Variants in TFRC observed in about 807,000 individuals in gnomAD.
The protein encoded by TFRC is transferrin receptor protein 1.
A neutral mutation model predicts 85.8 loss-of-function variants in TFRC; 35 were observed. The observed-to-expected ratio is 0.41, with a 90% CI of 0.31 to 0.54. TFRC has a LOEUF of 0.54. Ranked by LOEUF, TFRC falls within the 20% of genes least tolerant of loss-of-function variation. The pLI, the probability that TFRC is intolerant of heterozygous loss-of-function variation, is 0.31. For synonymous variants in TFRC, 362 were observed against 328.6 expected (o/e 1.10, Z -1.10); for missense variants, 828 against 921.5 (o/e 0.90, Z 1.31).
intron 4 of TFRC, 69 bp downstream of exon 4, chr3:196,073,861 T>C (rs767311063): frequency 1.3e-5 from 19 of 1,471,948 alleles, no homozygotes; most frequent in Non-Finnish European, 1.7e-5. Context: ...TCACCATTAT[T>C]GTTTCCCCGT....
rs914127367 is a variant in TFRC at position 196,051,476 on chromosome 3, T to C, written c.*466A>G. On this transcript the variant is annotated 3_prime_UTR_variant, in exon 19 of 19. Transcript: ENST00000360110. ...TTCAGGAATGAGGAAACCAGCTACA[T>C]TCCTTATGGAAAGGCTTAGATCTCA... 3 of 220,938 alleles carry C rather than the reference T, an allele frequency of 1.4e-5. No individual in the cohort carries two copies. Among genetic ancestry groups the C allele is most frequent in the African/African-American group, 4.5e-5 (2 of 44,672 alleles). 13.7% of individuals were successfully genotyped at this position (220,938 alleles called of 1,614,324 possible).
rs1240177082 is a variant in TFRC, at chr3:196,051,460, G to A, written c.*482C>T. On this transcript the variant is annotated 3_prime_UTR_variant, in exon 19 of 19. Transcript: ENST00000360110. ...AAAGTTAACTGTTTCTTTCAGGAAT[G>A]AGGAAACCAGCTACATTCCTTATGG... 9.1e-6 allele frequency: 2 copies of A among 219,650 alleles called. No homozygotes were observed. Among genetic ancestry groups the A allele is most frequent in the African/African-American group, 2.2e-5 (1 of 44,568 alleles). 13.6% of individuals were successfully genotyped at this position (219,650 alleles called of 1,614,324 possible).
rs577675212 is a variant in TFRC at position 196,050,952 on chromosome 3, A to T, written c.*990T>A. The T allele has an allele frequency of 1.1e-4, 22 of 199,322 alleles. No individual in the cohort carries two copies. Among genetic ancestry groups the T allele is most frequent in the Non-Finnish European group, 1.6e-4 (15 of 96,302 alleles). 12.3% of individuals were successfully genotyped at this position (199,322 alleles called of 1,614,324 possible). ...TTATTAGCAGATGCTGCTTTTATTT[A>T]AAAAAAACCGACAGTATAACTGTCA... On this transcript the variant is annotated 3_prime_UTR_variant, in exon 19 of 19. Transcript: ENST00000360110.
rs1189008635 is a variant in TFRC, at chr3:196,050,660, C to T, written c.*1282G>A. The stretch of plus-strand genomic sequence containing the variant: ...TTGCAAAATGGGAATTAGAGTTACA[C>T]CTTGGATAAACTGAGCTATAAAATT... On this transcript the variant is annotated 3_prime_UTR_variant, in exon 19 of 19. Transcript: ENST00000360110. The T allele has an allele frequency of 1.1e-4, 23 of 204,176 alleles. No individual in the cohort carries two copies. Among genetic ancestry groups the T allele is most frequent in the Non-Finnish European group, 2.0e-4 (20 of 99,492 alleles). 12.6% of individuals were successfully genotyped at this position (204,176 alleles called of 1,614,324 possible).
Position 196,053,432 on chromosome 3 carries a change from C to T in TFRC, c.2026G>A (p.Asp676Asn), listed in dbSNP as rs2108633943. Reference sequence around the variant, plus strand: ...AGTTCACTTACTCTCATGACACGATCATTGAGTTTCTTCATGACAAATCTG... The same window carrying T: ...AGTTCACTTACTCTCATGACACGATTATTGAGTTTCTTCATGACAAATCTG... ...TDRFVMKKLN[D>N]RVMRVEYHFL... is the part of the protein sequence containing the mutation. The change falls in exon 18 of 19, where the codon GAT becomes AAT. Residue 676 changes from aspartate to asparagine, a missense_variant. Transcript: ENST00000360110. 1 of 1,614,166 alleles carries T rather than the reference C, an allele frequency of 6.2e-7. No individual in the cohort carries two copies. The highest frequency in any genetic ancestry group is 8.5e-7 in the Non-Finnish European group (1 of 1,180,030).
chr3:196,051,359 G>A lies in TFRC; in HGVS notation c.*583C>T, dbSNP rs1025214570. 6 of 219,234 alleles carry A rather than the reference G, an allele frequency of 2.7e-5. No individual in the cohort carries two copies. Among genetic ancestry groups the A allele is most frequent in the Non-Finnish European group, 5.5e-5 (6 of 109,266 alleles). 13.6% of individuals were successfully genotyped at this position (219,234 alleles called of 1,614,324 possible). On this transcript the variant is annotated 3_prime_UTR_variant, in exon 19 of 19. Coordinates refer to ENST00000360110, the MANE Select transcript of TFRC (RefSeq NM_001128148.3). ...TAAGGCCTTATTCCTGCAATCAACA[G>A]TTGAACCTCATTTTATCCAGCAGAA...
Position 196,051,219 on chromosome 3 carries a change from AAAT to A in TFRC, c.*720_*722del, listed in dbSNP as rs2108631173. The A allele has an allele frequency of 4.6e-6, 1 of 217,952 alleles. No individual in the cohort carries two copies. Among genetic ancestry groups the A allele is most frequent in the East Asian group, 6.8e-5 (1 of 14,642 alleles). 13.5% of individuals were successfully genotyped at this position (217,952 alleles called of 1,614,324 possible). On this transcript the variant is annotated 3_prime_UTR_variant, in exon 19 of 19. Transcript: ENST00000360110. ...TTTCAATGTGCTTTGGAAGAAACAA[AAAT>A]AACAAAGAACTAAATGGAGGCTTAT...
intron 10 of TFRC, among the ~76,000 whole-genome samples, chr3:196,064,808 TA>T (rs1255056758): frequency 6.6e-6 from 1 of 152,232 alleles, no homozygotes; most frequent in African/African-American, 2.4e-5. Context: ...GTTGAACAGC[TA>T]AAAGAGAGAC....
intron 12 of TFRC, 54 bp from the exon 13 acceptor site, chr3:196,062,699 C>CAGT: frequency 6.4e-7 from 1 of 1,566,550 alleles, no homozygotes; most frequent in Non-Finnish European, 8.7e-7. Flanking sequence ...TTATCACATA[C>CAGT]AGTAGCATTA....
chr3:196,069,594 G>T, intron 6 of TFRC, 26 bp from the exon 7 acceptor site: 2 of 1,379,592 alleles, frequency 1.4e-6, no homozygotes, highest in Non-Finnish European at 2.1e-6. Flanking sequence ...TAGATTTAAT[G>T]AGCATTATGG....
intron 18 of TFRC, 108 bp from the exon 19 acceptor site, chr3:196,052,292 CTTTT>C (rs529214594): frequency 0.059 from 31,288 of 534,228 alleles, 14 homozygotes; most frequent in Middle Eastern, 0.072. Flanking sequence ...GCCGATCAGA[CTTTT>C]TTTTTTTTTT....
At chr3:196,052,759 T>C (rs1716439719) in intron 18 of TFRC, among the ~76,000 whole-genome samples, 1 of 152,018 alleles carries the variant, frequency 6.6e-6, no homozygotes, top group Non-Finnish European at 1.5e-5. Flanking sequence ...AGACTTTCTA[T>C]AGCAGAGTAA....
At chr3:196,068,927 C>CAA (rs55642820) in intron 7 of TFRC, among the ~76,000 whole-genome samples, 888 of 85,088 alleles carry the variant, frequency 0.01, 12 homozygotes, top group African/African-American at 0.033. Flanking sequence ...GACTCCGTCT[C>CAA]AAAAAAAAAA....
rs1434762721 is a variant in TFRC at position 196,055,375 on chromosome 3, C to T, written c.1678-74G>A. Reference sequence around the variant, plus strand: ...GAGCCTCACATTCTGGCTTCGCCATCGAGGTAACAGTGACGACAGTTCCAC... The same window carrying T: ...GAGCCTCACATTCTGGCTTCGCCATTGAGGTAACAGTGACGACAGTTCCAC... On this transcript the variant is annotated intron_variant, in intron 16 of 18. Coordinates refer to ENST00000360110, the MANE Select transcript of TFRC (RefSeq NM_001128148.3). 13 of 1,316,942 alleles carry T rather than the reference C, an allele frequency of 9.9e-6. No individual in the cohort carries two copies. The Middle Eastern group carries it at 7.5e-4, about 76-fold the overall frequency. The allele number at this position is 1,316,942 out of a possible 1,614,324, so 81.6% of individuals were successfully genotyped here.
chr3:196,064,550 C>G, intron 10 of TFRC, 122 bp from the exon 11 acceptor site: 1 of 847,050 alleles, frequency 1.2e-6, no homozygotes, highest in East Asian at 3.3e-5. Context: ...AAGAGCCTTA[C>G]TTCAAATCTG....
chr3:196,058,096 T>A (rs1401577030), intron 16 of TFRC, 188 bp downstream of exon 16: 3 of 464,842 alleles, frequency 6.5e-6, no homozygotes, highest in Admixed American at 7.8e-5. Flanking sequence ...TAGCCAAGAA[T>A]AATTACCTCA....
chr3:196,072,050 G>A lies in TFRC; in HGVS notation c.537C>T (p.Ser179=), dbSNP rs1295504935. The A allele has an allele frequency of 1.2e-6, 2 of 1,614,140 alleles. No individual in the cohort carries two copies. The highest frequency in any genetic ancestry group is 1.7e-6 in the Non-Finnish European group (2 of 1,180,028). Residue 179 remains serine, a synonymous_variant, in exon 5 of 19, where the codon AGC becomes AGT. Coordinates refer to ENST00000360110, the MANE Select transcript of TFRC (RefSeq NM_001128148.3). ...CAAAATGTTGATCACGCCAGACTTT[G>A]CTGAGTTTAAATTCACGAAATTGAT... ...VENQFREFKL[S]KVWRDQHFVK...
Position 196,062,942 on chromosome 3 carries a change from G to C in TFRC, c.1319-3C>G. 6.2e-7 allele frequency: 1 copy of C among 1,613,574 alleles called. No individual in the cohort carries two copies. On this transcript the variant is annotated splice_region_variant and splice_polypyrimidine_tract_variant and intron_variant, in intron 11 of 18. Transcript: ENST00000360110. Reference sequence around the variant, plus strand: ...GCTTCTGCTGGGCTGAAACCCATCTGAAAGAGAAAAAAGTTAGCTTTACCT... The same window carrying C: ...GCTTCTGCTGGGCTGAAACCCATCTCAAAGAGAAAAAAGTTAGCTTTACCT...
At chr3:196,060,969 ATAG>A (rs1717233160) in intron 13 of TFRC, among the ~76,000 whole-genome samples, 1 of 152,162 alleles carries the variant, frequency 6.6e-6, no homozygotes, top group South Asian at 2.1e-4. Context: ...AGAGCTATAC[ATAG>A]TATGCTTGCT....
Sources: allele counts gnomAD v4.1 joint callset (sites outside exome capture counted in the v4.1 genomes callset), GRCh38; gene constraint gnomAD v4.1.1; transcripts MANE v1.5; gene names NCBI Gene and HGNC (gene_info 2026-07-23, HGNC 2026-07-21).